The following ASTN2 variants were observed in gnomAD, a reference collection of about 807,000 sequenced individuals.
The protein encoded by ASTN2 is astrotactin-2.
ASTN2 carries 54 observed loss-of-function variants against 139.8 expected under a neutral mutation model. The ratio of observed to expected loss-of-function variants is 0.39; its 90% CI spans 0.31 to 0.48. ASTN2 has a LOEUF of 0.48. Among genes scored for constraint, ASTN2 ranks in the 20% least tolerant of loss-of-function variants. The pLI is 0.95. For synonymous variants in ASTN2, 756 were observed against 719.5 expected (o/e 1.05, Z -0.81); for missense variants, 1,565 against 1,725.1 (o/e 0.91, Z 1.64).
At chr9:116,681,660 C>A (rs1486058996) in intron 16 of ASTN2, among the ~76,000 whole-genome samples, 1 of 152,114 alleles carries the variant, frequency 6.6e-6, no homozygotes, top group Non-Finnish European at 1.5e-5. Context: ...CAGCATGGTA[C>A]TGGTACCAAA....
At chr9:117,393,458 GAGA>G (rs1350708995) in intron 1 of ASTN2, among the ~76,000 whole-genome samples, 8 of 152,096 alleles carry the variant, frequency 5.3e-5, no homozygotes, top group Non-Finnish European at 1.0e-4. Context: ...AGACAGAAAA[GAGA>G]AGAAATTTAA....
At chr9:116,453,683 C>T (rs1848245456) in intron 20 of ASTN2, among the ~76,000 whole-genome samples, 1 of 147,286 alleles carries the variant, frequency 6.8e-6, no homozygotes, top group South Asian at 2.2e-4. Flanking sequence ...TCTTGCTTAT[C>T]TTGCTTACTT....
intron 2 of ASTN2, among the ~76,000 whole-genome samples, chr9:117,260,796 A>G (rs569633376): frequency 2.4e-4 from 36 of 152,284 alleles, no homozygotes; most frequent in Non-Finnish European, 4.1e-4. Flanking sequence ...AGTTTAACAA[A>G]ACCCAATAGG....
intron 16 of ASTN2, among the ~76,000 whole-genome samples, chr9:116,653,822 T>C (rs1240478801): frequency 6.6e-6 from 1 of 152,222 alleles, no homozygotes; most frequent in African/African-American, 2.4e-5. Context: ...CCACCTTTTC[T>C]GTCTGGCTGT....
At chr9:116,829,169 A>T (rs1831730830) in intron 11 of ASTN2, among the ~76,000 whole-genome samples, 1 of 151,950 alleles carries the variant, frequency 6.6e-6, no homozygotes, top group Admixed American at 6.6e-5. Flanking sequence ...CCTAAAATTC[A>T]TCTGTAACTA....
chr9:117,322,101 C>G (rs189630376), intron 1 of ASTN2, among the ~76,000 whole-genome samples: 31 of 151,528 alleles, frequency 2.0e-4, no homozygotes, highest in Admixed American at 5.9e-4. Flanking sequence ...CCCGGGCAAG[C>G]CTTTATTGCT....
intron 10 of ASTN2, among the ~76,000 whole-genome samples, chr9:116,950,809 C>A (rs763913160): frequency 2.0e-5 from 3 of 152,166 alleles, no homozygotes; most frequent in Non-Finnish European, 4.4e-5. Context: ...CCAGATCTGG[C>A]CAGTCATAGC....
intron 3 of ASTN2, among the ~76,000 whole-genome samples, chr9:117,184,016 A>T (rs1025109276): frequency 6.6e-6 from 1 of 152,176 alleles, no homozygotes; most frequent in Admixed American, 6.5e-5. Context: ...CACTCAGGAG[A>T]ACCCTCTCCT....
At chr9:116,578,092 A>G (rs530118395) in intron 19 of ASTN2, among the ~76,000 whole-genome samples, 1 of 152,304 alleles carries the variant, frequency 6.6e-6, no homozygotes, top group Non-Finnish European at 1.5e-5. Context: ...GTGGAAAGTG[A>G]ACCAGAGAGG....
At chr9:117,024,154 T>G (rs1362123351) in intron 6 of ASTN2, among the ~76,000 whole-genome samples, 2 of 152,190 alleles carry the variant, frequency 1.3e-5, no homozygotes, top group Non-Finnish European at 2.9e-5. Context: ...TATGCTCATC[T>G]CAGCTTCTAC....
chr9:116,946,322 C>T (rs752050187), intron 10 of ASTN2, among the ~76,000 whole-genome samples: 2 of 152,136 alleles, frequency 1.3e-5, no homozygotes, highest in Admixed American at 6.5e-5. Flanking sequence ...CTTATGGAGC[C>T]TAGTGTGAAA....
chr9:116,661,473 AG>A (rs1298422941), intron 16 of ASTN2, among the ~76,000 whole-genome samples: 1 of 152,184 alleles, frequency 6.6e-6, no homozygotes, highest in African/African-American at 2.4e-5. Context: ...GCTAGGCACA[AG>A]GGGGGAAAAT....
intron 19 of ASTN2, among the ~76,000 whole-genome samples, chr9:116,535,697 G>T (rs191873159): frequency 1.1e-4 from 16 of 152,170 alleles, no homozygotes; most frequent in Non-Finnish European, 5.9e-5. Flanking sequence ...CACTCTCTTC[G>T]GCTTGTAGAG....
chr9:116,790,969 A>AGG (rs1830521337), intron 13 of ASTN2, among the ~76,000 whole-genome samples: 6 of 17,560 alleles, frequency 3.4e-4, no homozygotes, highest in African/African-American at 1.1e-3. Context: ...GAAAGAAGGA[A>AGG]AGAAAGAAAG....
chr9:116,424,050 C>G lies in ASTN2; in HGVS notation c.*1801G>C, dbSNP rs999709723. On this transcript the variant is annotated 3_prime_UTR_variant, in exon 23 of 23. Coordinates refer to ENST00000313400, the MANE Select transcript of ASTN2 (RefSeq NM_001365068.1). Reference sequence around the variant, plus strand: ...CATCTTTGCATTATGATATACCTGACCTACATCCCATCTGCTCAAGCTAGG... The same window carrying G: ...CATCTTTGCATTATGATATACCTGAGCTACATCCCATCTGCTCAAGCTAGG... Among the ~76,000 whole-genome samples the G allele has an allele frequency of 6.6e-6, 1 of 152,176 alleles. No individual in the cohort carries two copies.
chr9:116,444,775 C>G (rs1370655061), intron 20 of ASTN2, among the ~76,000 whole-genome samples: 4 of 152,204 alleles, frequency 2.6e-5, no homozygotes, highest in African/African-American at 9.6e-5. Flanking sequence ...CTTCACCTCT[C>G]TGAGCTCACT....
At chr9:116,997,650 C>T (rs1406364238) in intron 7 of ASTN2, among the ~76,000 whole-genome samples, 1 of 152,164 alleles carries the variant, frequency 6.6e-6, no homozygotes, top group Non-Finnish European at 1.5e-5. Flanking sequence ...TTGGCCAAAT[C>T]CCAGCAGTAA....
chr9:116,665,139 A>G (rs1334798807), intron 16 of ASTN2, among the ~76,000 whole-genome samples: 1 of 152,204 alleles, frequency 6.6e-6, no homozygotes, highest in Non-Finnish European at 1.5e-5. Context: ...CCAGAAGCTA[A>G]GCAGATGCTG....
At chr9:117,374,903 A>G (rs1830082003) in intron 1 of ASTN2, among the ~76,000 whole-genome samples, 2 of 152,166 alleles carry the variant, frequency 1.3e-5, no homozygotes, top group African/African-American at 2.4e-5. Context: ...CCCAGAATTG[A>G]AGACCCATCA....
Sources: gnomAD v4.1 joint callset for allele counts (sites outside exome capture counted in the v4.1 genomes callset) on GRCh38, gnomAD v4.1.1 for gene constraint, MANE v1.5 for transcripts, NCBI Gene and HGNC (gene_info 2026-07-23, HGNC 2026-07-21) for gene names.